The following LAMB4 variants were observed in gnomAD, a reference collection of about 807,000 sequenced individuals.
LAMB4 encodes laminin subunit beta 4, also known as laminin subunit beta-4.
A neutral mutation model predicts 199.2 loss-of-function variants in LAMB4; 196 were observed. The ratio of observed to expected loss-of-function variants is 0.98; its 90% confidence interval spans 0.88 to 1.11. LAMB4 has a LOEUF of 1.11. Ranked by LOEUF, LAMB4 falls within the 50% of genes least tolerant of loss-of-function variation. The pLI, the probability that LAMB4 is intolerant of heterozygous loss-of-function variation, is 0.00. For synonymous variants in LAMB4, 744 were observed against 770.6 expected, an observed-to-expected ratio of 0.97 and a Z score of 0.57; for missense variants, 2,080 against 2,171.2, an observed-to-expected ratio of 0.96 and a Z score of 0.83.
At position 108,088,225 on chromosome 7, in the gene LAMB4, C is replaced by T. The variant is rs577340617; in HGVS notation, c.1701+3401G>A. On this transcript the variant is annotated intron_variant, in intron 14 of 33. Transcript: ENST00000388781. Reference sequence around the variant, plus strand: ...TCACCCAGGCTGGAGTGCAATAGCACGATCTCAGCTCACTGCAACCTCTGC... The same window carrying T: ...TCACCCAGGCTGGAGTGCAATAGCATGATCTCAGCTCACTGCAACCTCTGC... Among the ~76,000 whole-genome samples the T allele has an allele frequency of 1.3e-3, 195 of 151,802 alleles. 1 individual carries two copies. Among genetic ancestry groups the T allele is most frequent in the African/African-American group, 4.4e-3 (181 of 41,352 alleles).
intron 3 of LAMB4, 115 bp downstream of exon 3, chr7:108,115,889 A>C: frequency 8.8e-7 from 1 of 1,140,058 alleles, no homozygotes; most frequent in Non-Finnish European, 1.2e-6. Context: ...CAGTGTCTCC[A>C]TTGTTTAAAA....
chr7:108,012,470 G>T, the LAMB4 span, among the ~76,000 whole-genome samples: 3 of 152,282 alleles, frequency 2.0e-5, no homozygotes, highest in East Asian at 3.9e-4. Context: ...AATCAGTTTT[G>T]AAATATAAAT....
intron 1 of LAMB4, among the ~76,000 whole-genome samples, 189 bp from the exon 2 acceptor site, chr7:108,123,386 G>A (rs1287983339): frequency 6.6e-6 from 1 of 152,142 alleles, no homozygotes; most frequent in Admixed American, 6.5e-5. Flanking sequence ...TGCTCTTAAT[G>A]TTTGCCATTT....
intron 14 of LAMB4, among the ~76,000 whole-genome samples, chr7:108,090,761 T>A (rs775145952): frequency 4.6e-5 from 7 of 152,216 alleles, no homozygotes; most frequent in Non-Finnish European, 8.8e-5. Context: ...TCAGTCACCA[T>A]CATAAAGATT....
chr7:108,046,487 CTTT>C (rs1201699506), intron 28 of LAMB4, among the ~76,000 whole-genome samples: 2 of 151,838 alleles, frequency 1.3e-5, no homozygotes, highest in Non-Finnish European at 2.9e-5. Flanking sequence ...GCTTTTTCTT[CTTT>C]GTCAGAGGCT....
rs1464639106 is a variant in LAMB4, at chr7:108,062,803, T to C, written c.3253A>G (p.Arg1085Gly). ...TCACAGTGGCTACTTTGAGAGGTCC[T>C]AGGGTCACAGTCACATGACTGACAT... is the stretch of plus-strand genomic sequence containing the variant. ...RGCQSCDCDPRTSQSSHCDQL... is the reference protein window; with the variant it reads ...RGCQSCDCDPGTSQSSHCDQL... The change falls in exon 23 of 34, where the codon AGG (arginine) becomes GGG (glycine). Residue 1085 changes from arginine (R) to glycine (G), a missense_variant. Transcript: ENST00000388781. 2.7e-6 allele frequency: 4 copies of C among 1,509,430 alleles called. No homozygotes were observed. In the African/African-American group the frequency reaches 5.6e-5, roughly 21 times the overall value. The allele number at this position is 1,509,430 out of a possible 1,614,324, so 93.5% of individuals were successfully genotyped here.
intron 2 of LAMB4, among the ~76,000 whole-genome samples, chr7:108,122,708 G>C (rs1470565868): frequency 6.6e-6 from 1 of 152,182 alleles, no homozygotes; most frequent in African/African-American, 2.4e-5. Flanking sequence ...AAGACAGCAG[G>C]AGCATGGAGA....
the LAMB4 span, among the ~76,000 whole-genome samples, chr7:108,012,160 AAT>A: frequency 6.6e-6 from 1 of 151,906 alleles, no homozygotes; most frequent in Non-Finnish European, 1.5e-5. Flanking sequence ...CTATAAATAA[AAT>A]ATAAACATAT....
chr7:108,121,973 G>A (rs1394749440), intron 2 of LAMB4, among the ~76,000 whole-genome samples: 2 of 152,178 alleles, frequency 1.3e-5, no homozygotes, highest in Non-Finnish European at 2.9e-5. Flanking sequence ...ACCTGCTTGG[G>A]AGTTTGACCA....
At chr7:108,030,692 A>G in intron 32 of LAMB4, 114 bp downstream of exon 32, 1 of 972,972 alleles carries the variant, frequency 1.0e-6, no homozygotes. Context: ...CCATTGAGTC[A>G]TGGACCAGCA....
chr7:108,034,111 A>T lies in LAMB4; in HGVS notation c.4818+97T>A, dbSNP rs184670374. On this transcript the variant is annotated intron_variant, in intron 31 of 33. Coordinates refer to ENST00000388781, the MANE Select transcript of LAMB4 (RefSeq NM_007356.3). ...TTTATCCTCATAATAATCCCATCAG[A>T]CTCGTAAAGCAAGCATAGCATTGGC... The T allele has an allele frequency of 8.2e-4, 949 of 1,154,824 alleles. 12 individuals are homozygous for T. The East Asian group carries it at 0.02, about 24-fold the overall frequency. 71.5% of individuals were successfully genotyped at this position (1,154,824 alleles called of 1,614,324 possible). A position where few individuals can be genotyped will look rare whatever the true frequency, so the allele number is the denominator to read the frequency against.
chr7:108,115,883 G>C lies in LAMB4; in HGVS notation c.192+121C>G. On this transcript the variant is annotated intron_variant, in intron 3 of 33. Coordinates refer to ENST00000388781, the MANE Select transcript of LAMB4 (RefSeq NM_007356.3). ...GATACTGAGGGACAACTGCACCAGT[G>C]TCTCCATTGTTTAAAAAGGAAGTTG... 5 of 1,057,320 alleles carry C rather than the reference G, an allele frequency of 4.7e-6. No homozygotes were observed. The South Asian group carries it at 8.0e-5, about 17-fold the overall frequency. The allele number at this position is 1,057,320 out of a possible 1,614,324, so 65.5% of individuals were successfully genotyped here.
At chr7:108,109,289 C>G (rs2038136050) in intron 4 of LAMB4, 45 bp from the exon 5 acceptor site, 1 of 1,367,908 alleles carries the variant, frequency 7.3e-7, no homozygotes, top group African/African-American at 1.4e-5. Context: ...TTTTGAGAGA[C>G]TTCTGCTTAT....
intron 19 of LAMB4, 37 bp downstream of exon 19, chr7:108,067,979 T>C (rs201257645): frequency 3.1e-6 from 5 of 1,613,446 alleles, no homozygotes; most frequent in Non-Finnish European, 4.2e-6. Flanking sequence ...GTCAAGACTG[T>C]GAGCAAGTGT....
At position 108,087,222 on chromosome 7, in the gene LAMB4, C is replaced by G. The variant is rs557534445; in HGVS notation, c.1701+4404G>C. Among the ~76,000 whole-genome samples the G allele has an allele frequency of 1.1e-4, 17 of 152,292 alleles. No individual in the cohort carries two copies. In the South Asian group the frequency reaches 3.5e-3, roughly 32 times the overall value. On this transcript the variant is annotated intron_variant, in intron 14 of 33. Coordinates refer to ENST00000388781, the MANE Select transcript of LAMB4 (RefSeq NM_007356.3). Reference sequence around the variant, plus strand: ...CTGTTTCATGACCCTTAGCCCCCACCACCACACATTAGCCATTTGTGTCCA... The same window carrying G: ...CTGTTTCATGACCCTTAGCCCCCACGACCACACATTAGCCATTTGTGTCCA...
Position 108,111,645 on chromosome 7 carries a change from AAAATGAAAATAAATTGTAT to A in LAMB4, c.328+147_328+165del, listed in dbSNP as rs1319911588. 9.9e-5 allele frequency among the ~76,000 whole-genome samples: 15 copies of A among 152,244 alleles called. No individual in the cohort carries two copies. The East Asian group carries it at 2.9e-3, about 29-fold the overall frequency. On this transcript the variant is annotated intron_variant, in intron 4 of 33. Transcript: ENST00000388781. ...TCCTGTAAAGGAAAGTATTCTTGTT[AAAATGAAAATAAATTGTAT>A]TCTTATATGGGTCTCTACATTCTTG...
the LAMB4 span, among the ~76,000 whole-genome samples, chr7:108,014,881 C>T: frequency 6.6e-6 from 1 of 152,154 alleles, no homozygotes; most frequent in Non-Finnish European, 1.5e-5. Flanking sequence ...AGCCACCACA[C>T]CTGGCTAATT....
At chr7:108,066,077 A>G (rs2036330477) in intron 20 of LAMB4, among the ~76,000 whole-genome samples, 158 bp from the exon 21 acceptor site, 2 of 152,234 alleles carry the variant, frequency 1.3e-5, no homozygotes, top group African/African-American at 4.8e-5. Flanking sequence ...TTTTATATCA[A>G]AAGTCTCAAC....
Position 108,127,171 on chromosome 7 carries a change from C to A in LAMB4, c.-34+3135G>T, listed in dbSNP as rs367637843. ...AAACTTTACTGCACATTAAAATCACCAGGGTTTTTTTTTTTGTGTTTTTTT... is the reference window on the plus strand; with the variant it reads ...AAACTTTACTGCACATTAAAATCACAAGGGTTTTTTTTTTTGTGTTTTTTT... On this transcript the variant is annotated intron_variant, in intron 1 of 33. Coordinates refer to ENST00000388781, the MANE Select transcript of LAMB4 (RefSeq NM_007356.3). Among the ~76,000 whole-genome samples, 962 of 142,898 alleles carry A rather than the reference C, an allele frequency of 6.7e-3. 12 individuals carry two copies. Among genetic ancestry groups the A allele is most frequent in the African/African-American group, 0.024 (925 of 38,122 alleles). 93.7% of individuals were successfully genotyped at this position (142,898 alleles called of 152,430 possible). A position where few individuals can be genotyped will look rare whatever the true frequency, so the allele number is the denominator to read the frequency against.
Sources: gnomAD v4.1 joint callset for allele counts (sites outside exome capture counted in the v4.1 genomes callset) on GRCh38, gnomAD v4.1.1 for gene constraint, MANE v1.5 for transcripts, NCBI Gene and HGNC (gene_info 2026-07-23, HGNC 2026-07-21) for gene names.